The following TJP1 variants were observed in gnomAD, a reference collection of about 807,000 sequenced individuals.
The protein encoded by TJP1 is tight junction protein 1.
Under a neutral mutation model 194.2 loss-of-function variants are expected in TJP1, and 43 were observed. The observed-to-expected ratio is 0.22, with a 90% CI of 0.17 to 0.29. TJP1 has a LOEUF of 0.29. TJP1 is among the 10% of genes least tolerant of loss of function. The pLI is 1.00. For missense variants in TJP1, 1,971 were observed against 2,185.7 expected, an observed-to-expected ratio of 0.90 and a Z score of 1.96; for synonymous variants, 801 against 779.0, an observed-to-expected ratio of 1.03 and a Z score of -0.47.
rs1025200343 is a variant in TJP1, at chr15:29,766,528, C to T, written c.327G>A (p.Lys109=). The change falls in exon 5 of 28, where the codon AAG becomes AAA. Residue 109 remains lysine, a synonymous_variant. Transcript: ENST00000614355. ...GKNAKITIRR[K]KKVQIPVSRP... ...GACTTACTGGTATTTGAACTTTCTT[C>T]TTCCTTCTAATTGTCTGCAAGTTAA... 1 of 1,561,384 alleles carries T rather than the reference C, an allele frequency of 6.4e-7. No individual in the cohort carries two copies.
chr15:29,728,129 G>T, intron 15 of TJP1, 110 bp from the exon 16 acceptor site: 1 of 822,380 alleles, frequency 1.2e-6, no homozygotes, highest in African/African-American at 1.7e-5. Flanking sequence ...TACTTTGTTT[G>T]TGGAAACTGT....
chr15:29,726,754 A>C lies in TJP1; in HGVS notation c.2311+27T>G, dbSNP rs369038097. 6 of 1,603,530 alleles carry C rather than the reference A, an allele frequency of 3.7e-6. No individual in the cohort carries two copies. The African/African-American group carries it at 8.0e-5, about 21-fold the overall frequency. ...AATGTTGCCCAGACATTGTAAGCTG[A>C]AAGAAGGCCTTTATTAACATACTCA... On this transcript the variant is annotated intron_variant, in intron 17 of 27. Coordinates refer to ENST00000614355, the MANE Select transcript of TJP1 (RefSeq NM_001330239.4).
intron 2 of TJP1, among the ~76,000 whole-genome samples, chr15:29,790,768 T>TA (rs2048026360): frequency 6.6e-6 from 1 of 151,028 alleles, no homozygotes; most frequent in South Asian, 2.1e-4. Flanking sequence ...TTTTTTTTTT[T>TA]AGTTCCCACG....
At chr15:29,931,075 C>T (rs967669510) in intron 2 of TJP1, among the ~76,000 whole-genome samples, 1 of 151,856 alleles carries the variant, frequency 6.6e-6, no homozygotes, top group African/African-American at 2.4e-5. Flanking sequence ...CGTAAATAGT[C>T]GATTAACACA....
chr15:29,716,591 A>C lies in TJP1; in HGVS notation c.4202+20T>G. The C allele has an allele frequency of 6.4e-7, 1 of 1,568,652 alleles. No individual in the cohort carries two copies. The highest frequency in any genetic ancestry group is 1.1e-5 in the South Asian group (1 of 89,598). ...TAATATGCTGCATCCTATTTTTAAA[A>C]GCCAGGTGAAATAGCTTACTTTGAA... On this transcript the variant is annotated intron_variant, in intron 23 of 27. Coordinates refer to ENST00000614355, the MANE Select transcript of TJP1 (RefSeq NM_001330239.4).
chr15:29,770,320 G>A (rs1401945115), intron 4 of TJP1, among the ~76,000 whole-genome samples: 1 of 151,840 alleles, frequency 6.6e-6, no homozygotes, highest in African/African-American at 2.4e-5. Context: ...GCGGTCGCCT[G>A]TAATCCCAAG....
At chr15:29,930,241 CAT>C (rs1170634396) in intron 2 of TJP1, among the ~76,000 whole-genome samples, 2 of 152,132 alleles carry the variant, frequency 1.3e-5, no homozygotes, top group African/African-American at 2.4e-5. Context: ...ATTCCCAACT[CAT>C]ATAATGAAGC....
intron 2 of TJP1, among the ~76,000 whole-genome samples, chr15:29,800,120 G>A (rs1421043586): frequency 1.3e-5 from 2 of 152,194 alleles, no homozygotes; most frequent in Non-Finnish European, 2.9e-5. Context: ...AATTCAAATT[G>A]ATAGCAGTCT....
chr15:29,902,761 C>T (rs1046510058), intron 2 of TJP1, among the ~76,000 whole-genome samples: 11 of 152,174 alleles, frequency 7.2e-5, no homozygotes, highest in African/African-American at 2.7e-4. Context: ...AAAGGCCCGA[C>T]ACGGTGGCTC....
chr15:29,827,829 C>G (rs2152038186), intron 2 of TJP1, among the ~76,000 whole-genome samples: 1 of 152,256 alleles, frequency 6.6e-6, no homozygotes, highest in East Asian at 1.9e-4. Flanking sequence ...AGAGGCAGCT[C>G]TGAGTCCACC....
intron 2 of TJP1, among the ~76,000 whole-genome samples, chr15:29,876,241 C>T (rs541040500): frequency 2.6e-5 from 4 of 152,214 alleles, no homozygotes; most frequent in East Asian, 1.9e-4. Flanking sequence ...AGATTTTGGC[C>T]GGGTGTGGTG....
intron 2 of TJP1, among the ~76,000 whole-genome samples, chr15:29,865,701 C>T (rs2052278176): frequency 6.6e-6 from 1 of 152,150 alleles, no homozygotes; most frequent in South Asian, 2.1e-4. Context: ...GATGGACATG[C>T]ACCGAGCAAT....
chr15:29,790,054 A>G (rs2047970402), intron 2 of TJP1, among the ~76,000 whole-genome samples: 1 of 152,204 alleles, frequency 6.6e-6, no homozygotes. Context: ...ATCAGCAGTC[A>G]GCACACTATG....
chr15:29,967,365 A>AT (rs202229531), intron 1 of TJP1, among the ~76,000 whole-genome samples: 2 of 150,956 alleles, frequency 1.3e-5, no homozygotes, highest in African/African-American at 4.9e-5. Flanking sequence ...GAATAAATTT[A>AT]TTTAAAAAAA....
intron 1 of TJP1, among the ~76,000 whole-genome samples, chr15:29,813,623 G>A (rs1466950133): frequency 6.6e-6 from 1 of 152,152 alleles, no homozygotes; most frequent in Non-Finnish European, 1.5e-5. Context: ...CTTTCAGAAT[G>A]CATAATTAGG....
In TJP1 at chr15:29,717,038, C is replaced by T. The variant is rs45552434; in HGVS notation, c.3975-200G>A. Among the ~76,000 whole-genome samples the T allele has an allele frequency of 7.9e-5, 12 of 152,288 alleles. No homozygotes were observed. In the East Asian group the frequency reaches 2.3e-3, roughly 29 times the overall value. ...CAGAGTATACTCAAAAGGCAGCCCC[C>T]TTCTGGCTCATGAGTCCTTTAACAC... On this transcript the variant is annotated intron_variant, in intron 22 of 27. Coordinates refer to ENST00000614355, the MANE Select transcript of TJP1 (RefSeq NM_001330239.4).
At chr15:29,786,062 T>A (rs2047679352) in intron 2 of TJP1, among the ~76,000 whole-genome samples, 1 of 152,212 alleles carries the variant, frequency 6.6e-6, no homozygotes, top group South Asian at 2.1e-4. Flanking sequence ...CCCAAACAGA[T>A]TAGAAGTCAC....
At position 29,719,818 on chromosome 15, in the gene TJP1, C is replaced by CTA. The variant is rs2042817419; in HGVS notation, c.2961_2962insTA (p.Asp988Ter). On this transcript the variant is annotated frameshift_variant, in exon 20 of 28. Transcript: ENST00000614355. LOFTEE classifies it high-confidence loss of function. ...TGCGACGACAATGATGGTTCTTGAT[C>CTA]TCTTAGCATTATGTGAGCTGCCTCA... The CTA allele has an allele frequency of 2.2e-5, 36 of 1,614,114 alleles. No homozygotes were observed. The highest frequency in any genetic ancestry group is 3.1e-5 in the Non-Finnish European group (36 of 1,179,974).
chr15:29,709,907 A>T (rs2042130587), intron 24 of TJP1, among the ~76,000 whole-genome samples: 1 of 152,176 alleles, frequency 6.6e-6, no homozygotes, highest in South Asian at 2.1e-4. Flanking sequence ...CACTCTTGAG[A>T]GGCCGAGGTG....
Sources: allele counts gnomAD v4.1 joint callset (sites outside exome capture counted in the v4.1 genomes callset), GRCh38; gene constraint gnomAD v4.1.1; transcripts MANE v1.5; gene names NCBI Gene and HGNC (gene_info 2026-07-23, HGNC 2026-07-21).